ITGA8: variants seen among roughly 807,000 people sequenced by gnomAD.
ITGA8 encodes integrin alpha-8.
In ITGA8, 91 loss-of-function variants were observed where a neutral mutation model predicts 142.3. That is an observed-to-expected ratio of 0.64 (90% confidence interval 0.54 to 0.76). ITGA8 has a LOEUF of 0.76. Among genes scored for constraint, ITGA8 ranks in the 30% least tolerant of loss-of-function variants. The pLI is 0.00. For synonymous variants in ITGA8, 505 were observed against 485.2 expected (o/e 1.04, Z -0.54); for missense variants, 1,406 against 1,327.7 (o/e 1.06, Z -0.92).
chr10:15,674,513 T>C (rs560838339), intron 6 of ITGA8, among the ~76,000 whole-genome samples: 1 of 152,302 alleles, frequency 6.6e-6, no homozygotes, highest in African/African-American at 2.4e-5. Flanking sequence ...TTTGTAGCCA[T>C]CTGTTGTGCA....
intron 18 of ITGA8, 48 bp downstream of exon 18, chr10:15,606,237 C>T (rs1250698581): frequency 6.5e-7 from 1 of 1,543,698 alleles, no homozygotes; most frequent in East Asian, 2.3e-5. Context: ...AACAACACCC[C>T]AGAGAGCTTG....
chr10:15,673,149 T>C (rs1418938236), intron 6 of ITGA8, among the ~76,000 whole-genome samples: 1 of 152,204 alleles, frequency 6.6e-6, no homozygotes, highest in Non-Finnish European at 1.5e-5. Context: ...AATGGTGCAG[T>C]CTCAGCTCAC....
chr10:15,599,040 C>T (rs966301108), intron 20 of ITGA8, among the ~76,000 whole-genome samples: 2 of 151,764 alleles, frequency 1.3e-5, no homozygotes, highest in African/African-American at 4.8e-5. Context: ...CGTAAGTCCT[C>T]ATATGTCCCT....
chr10:15,690,283 A>G (rs1442078793), intron 2 of ITGA8, among the ~76,000 whole-genome samples: 1 of 151,944 alleles, frequency 6.6e-6, no homozygotes, highest in Non-Finnish European at 1.5e-5. Context: ...ATTTTTTCTC[A>G]TATGCCCTGT....
At chr10:15,626,479 A>C (rs947696806) in intron 13 of ITGA8, among the ~76,000 whole-genome samples, 1 of 152,104 alleles carries the variant, frequency 6.6e-6, no homozygotes, top group African/African-American at 2.4e-5. Context: ...TTGGCCTCCC[A>C]AAGTGCTGGG....
chr10:15,540,313 C>T (rs1833543889), intron 27 of ITGA8, among the ~76,000 whole-genome samples: 2 of 152,164 alleles, frequency 1.3e-5, no homozygotes, highest in South Asian at 2.1e-4. Flanking sequence ...TTCCCAGCCT[C>T]TGGTAATGAT....
chr10:15,543,933 G>A (rs1013838440), intron 27 of ITGA8, among the ~76,000 whole-genome samples: 1 of 152,006 alleles, frequency 6.6e-6, no homozygotes, highest in Admixed American at 6.6e-5. Flanking sequence ...AAAGGTGATG[G>A]GAGATGGAAG....
At chr10:15,577,414 C>T (rs1485438229) in intron 23 of ITGA8, among the ~76,000 whole-genome samples, 4 of 151,968 alleles carry the variant, frequency 2.6e-5, no homozygotes, top group Admixed American at 6.6e-5. Context: ...ATCCTAAGTA[C>T]CATCTACTCT....
At chr10:15,598,491 A>G (rs929832474) in intron 20 of ITGA8, among the ~76,000 whole-genome samples, 3 of 152,220 alleles carry the variant, frequency 2.0e-5, no homozygotes, top group Non-Finnish European at 4.4e-5. Context: ...CATTCCCCAG[A>G]CATCTAGCTA....
intron 25 of ITGA8, among the ~76,000 whole-genome samples, chr10:15,568,056 G>T (rs1834109817): frequency 6.6e-6 from 1 of 152,072 alleles, no homozygotes; most frequent in African/African-American, 2.4e-5. Flanking sequence ...GGGACTCCAG[G>T]GACTACAGGC....
chr10:15,587,523 T>C (rs972950141), intron 22 of ITGA8, among the ~76,000 whole-genome samples: 2 of 152,188 alleles, frequency 1.3e-5, no homozygotes, highest in African/African-American at 4.8e-5. Flanking sequence ...TCAGTTAGTA[T>C]TAAAATAAGC....
intron 14 of ITGA8, 50 bp from the exon 15 acceptor site, chr10:15,613,817 G>T (rs1833345937): frequency 7.5e-7 from 1 of 1,330,718 alleles, no homozygotes; most frequent in Non-Finnish European, 1.1e-6. Context: ...AAGGGTGATA[G>T]GCAGGCAGAA....
chr10:15,677,410 ATTGTT>A (rs376160468), intron 6 of ITGA8, among the ~76,000 whole-genome samples, 177 bp downstream of exon 6: 17 of 152,336 alleles, frequency 1.1e-4, no homozygotes, highest in African/African-American at 3.8e-4. Flanking sequence ...AATATGTACA[ATTGTT>A]TTGTCAATTA....
chr10:15,702,850 G>A (rs1776552831), intron 2 of ITGA8, among the ~76,000 whole-genome samples: 3 of 152,122 alleles, frequency 2.0e-5, no homozygotes, highest in Non-Finnish European at 4.4e-5. Context: ...TTTTCAAACA[G>A]TACAAAGTAA....
intron 15 of ITGA8, among the ~76,000 whole-genome samples, chr10:15,611,840 A>G (rs1833303050): frequency 6.6e-6 from 1 of 152,080 alleles, no homozygotes; most frequent in Admixed American, 6.6e-5. Flanking sequence ...TCAGTCTTAT[A>G]CAAATATGCA....
chr10:15,677,443 CAAAA>C, intron 6 of ITGA8, 145 bp downstream of exon 6: 2 of 600,052 alleles, frequency 3.3e-6, no homozygotes, highest in South Asian at 2.8e-5. Flanking sequence ...ATATTAAAAG[CAAAA>C]AAAAGAAATA....
intron 10 of ITGA8, among the ~76,000 whole-genome samples, chr10:15,657,509 C>CTTTTTTTTTTTTTTTTTTT (rs534714654): frequency 4.3e-5 from 5 of 116,490 alleles, no homozygotes; most frequent in Non-Finnish European, 5.3e-5. Context: ...TCTTTTCTTT[C>CTTTTTTTTTTTTTTTTTTT]ATTTTTTTTT....
chr10:15,635,832 A>G (rs1810258335), intron 13 of ITGA8, among the ~76,000 whole-genome samples: 2 of 151,856 alleles, frequency 1.3e-5, no homozygotes. Flanking sequence ...AATTTCAAGG[A>G]GCTTAAAGTT....
intron 13 of ITGA8, among the ~76,000 whole-genome samples, chr10:15,634,577 A>G (rs1314095490): frequency 6.6e-6 from 1 of 152,162 alleles, no homozygotes; most frequent in Admixed American, 6.5e-5. Flanking sequence ...CTGTATCCTC[A>G]ACATCTAGCA....
Sources: gnomAD v4.1 joint callset for allele counts (sites outside exome capture counted in the v4.1 genomes callset) on GRCh38, gnomAD v4.1.1 for gene constraint, MANE v1.5 for transcripts, NCBI Gene and HGNC (gene_info 2026-07-23, HGNC 2026-07-21) for gene names.